NCAPD3: variants seen among roughly 807,000 people sequenced by gnomAD.
NCAPD3 encodes the protein condensin-2 complex subunit D3.
In NCAPD3, 105 loss-of-function variants were observed where a neutral mutation model predicts 182.9. The observed-to-expected ratio is 0.57, with a 90% CI of 0.49 to 0.68. NCAPD3 has a LOEUF of 0.68. NCAPD3 is among the 30% of genes least tolerant of loss of function. The pLI is 0.00. For missense variants in NCAPD3, 1,944 were observed against 1,837.0 expected (o/e 1.06, Z -1.07); for synonymous variants, 815 against 679.9 (o/e 1.20, Z -3.09).
chr11:134,160,316 C>A (rs1943542861), intron 28 of NCAPD3, among the ~76,000 whole-genome samples: 1 of 152,122 alleles, frequency 6.6e-6, no homozygotes, highest in African/African-American at 2.4e-5. Context: ...CTAACAGGTA[C>A]AATGGTATAT....
intron 4 of NCAPD3, 25 bp downstream of exon 4, chr11:134,210,245 G>T: frequency 6.3e-7 from 1 of 1,591,666 alleles, no homozygotes; most frequent in Non-Finnish European, 8.6e-7. Flanking sequence ...TGGTATATAT[G>T]TTTTATACTC....
At chr11:134,218,545 T>C (rs1309553001) in intron 2 of NCAPD3, among the ~76,000 whole-genome samples, 1 of 152,200 alleles carries the variant, frequency 6.6e-6, no homozygotes, top group East Asian at 1.9e-4. Context: ...CCATTTGACC[T>C]TGCTCTTTTT....
chr11:134,182,446 G>C (rs1039555124), intron 19 of NCAPD3, among the ~76,000 whole-genome samples: 4 of 152,160 alleles, frequency 2.6e-5, no homozygotes, highest in African/African-American at 9.7e-5. Flanking sequence ...TTTGAATTTA[G>C]CTAGGCAGCC....
At chr11:134,215,877 G>A (rs1551184) in intron 3 of NCAPD3, among the ~76,000 whole-genome samples, 104,378 of 152,136 alleles carry the variant, frequency 0.69, 37,460 homozygotes, top group African/African-American at 0.91. Flanking sequence ...GTGATCGAAT[G>A]TTAAGTATCG....
chr11:134,185,444 T>C lies in NCAPD3; in HGVS notation c.2128A>G (p.Thr710Ala). The C allele has an allele frequency of 6.2e-7, 1 of 1,614,002 alleles. No homozygotes were observed. Among genetic ancestry groups the C allele is most frequent in the South Asian group, 1.1e-5 (1 of 91,072 alleles). The change falls in exon 17 of 35, where the codon ACT (threonine) becomes GCT (alanine). Residue 710 changes from threonine (T) to alanine (A), a missense_variant. Physicochemically the swap from Thr to Ala is moderately conservative, Grantham distance 58. Transcript: ENST00000534548. The stretch of plus-strand genomic sequence containing the variant: ...GCAGGTGCCGAATGTTCCGTGCCAG[T>C]GTGAGATATTACATTGTTTATAAAA... ...PTFINNVISH[T>A]GTEHSAPAWM...
intron 24 of NCAPD3, among the ~76,000 whole-genome samples, chr11:134,170,144 C>A (rs921720562): frequency 6.6e-6 from 1 of 152,074 alleles, no homozygotes; most frequent in Admixed American, 6.5e-5. Flanking sequence ...GGAAGTAAGC[C>A]CAGATAAAAA....
intron 3 of NCAPD3, among the ~76,000 whole-genome samples, chr11:134,215,724 C>T (rs555442974): frequency 2.0e-5 from 3 of 152,208 alleles, no homozygotes; most frequent in South Asian, 4.1e-4. Flanking sequence ...ACTTCACAAA[C>T]TCATCTACAG....
chr11:134,202,391 T>C (rs941302861), intron 13 of NCAPD3, among the ~76,000 whole-genome samples: 58 of 152,174 alleles, frequency 3.8e-4, no homozygotes, highest in Non-Finnish European at 6.0e-4. Flanking sequence ...GTTATTTTCA[T>C]TTTTTAATTT....
At chr11:134,222,401 T>A (rs1938264998) in intron 1 of NCAPD3, among the ~76,000 whole-genome samples, 1 of 152,176 alleles carries the variant, frequency 6.6e-6, no homozygotes, top group East Asian at 1.9e-4. Context: ...ACACTTAGGA[T>A]ACCAAAAAAA....
intron 16 of NCAPD3, among the ~76,000 whole-genome samples, chr11:134,187,986 G>C (rs1197787470): frequency 2.6e-5 from 4 of 152,204 alleles, no homozygotes; most frequent in Non-Finnish European, 4.4e-5. Context: ...CAGAGGTGAT[G>C]AAGTTAAAAC....
At chr11:134,184,776 G>T (rs370847913) in intron 18 of NCAPD3, 24 bp from the exon 19 acceptor site, 24 of 1,558,158 alleles carry the variant, frequency 1.5e-5, no homozygotes, top group Non-Finnish European at 2.0e-5. Context: ...CAAAACCCCT[G>T]AAGTTCAACT....
chr11:134,169,065 G>A lies in NCAPD3; in HGVS notation c.3102-11C>T, dbSNP rs373051628. 8 of 1,611,120 alleles carry A rather than the reference G, an allele frequency of 5.0e-6. No individual in the cohort carries two copies. In the East Asian group the frequency reaches 6.7e-5, roughly 13 times the overall value. On this transcript the variant is annotated splice_polypyrimidine_tract_variant and intron_variant, in intron 24 of 34. Coordinates refer to ENST00000534548, the MANE Select transcript of NCAPD3 (RefSeq NM_015261.3). ...CAAAACTCCCCGAAGCTGCAAAGGT[G>A]AGAGAAACAAAGAGGGAGACCCATT...
intron 19 of NCAPD3, among the ~76,000 whole-genome samples, chr11:134,181,488 G>A (rs1206375084): frequency 1.3e-5 from 2 of 152,174 alleles, no homozygotes; most frequent in African/African-American, 4.8e-5. Flanking sequence ...ATTTGTAAGA[G>A]ATCTATAATA....
intron 16 of NCAPD3, among the ~76,000 whole-genome samples, chr11:134,192,150 C>T (rs974536698): frequency 2.0e-5 from 3 of 152,184 alleles, no homozygotes; most frequent in African/African-American, 4.8e-5. Flanking sequence ...TTTGCCAAGG[C>T]TGCAGAATGG....
At chr11:134,175,924 T>C (rs1944149819) in intron 24 of NCAPD3, among the ~76,000 whole-genome samples, 1 of 152,098 alleles carries the variant, frequency 6.6e-6, no homozygotes, top group African/African-American at 2.4e-5. Flanking sequence ...AATTAAAGTC[T>C]CAGCTCTTTA....
At chr11:134,174,721 G>A (rs1424159599) in intron 24 of NCAPD3, among the ~76,000 whole-genome samples, 1 of 152,142 alleles carries the variant, frequency 6.6e-6, no homozygotes, top group Non-Finnish European at 1.5e-5. Context: ...AAAAAGCTAG[G>A]GAGAGGATTT....
At chr11:134,180,968 C>CA (rs1449886675) in intron 20 of NCAPD3, 109 bp downstream of exon 20, 1 of 729,624 alleles carries the variant, frequency 1.4e-6, no homozygotes, top group Non-Finnish European at 2.3e-6. Flanking sequence ...TAGGCTAAGA[C>CA]AGCTCTTTTG....
At chr11:134,167,937 C>G in intron 27 of NCAPD3, 59 bp downstream of exon 27, 2 of 1,523,264 alleles carry the variant, frequency 1.3e-6, no homozygotes, top group Non-Finnish European at 9.0e-7. Flanking sequence ...GTGAGATGAG[C>G]TTAGGGGAGC....
At chr11:134,193,850 T>C (rs1194464793) in intron 15 of NCAPD3, among the ~76,000 whole-genome samples, 166 bp downstream of exon 15, 1 of 152,244 alleles carries the variant, frequency 6.6e-6, no homozygotes, top group Non-Finnish European at 1.5e-5. Flanking sequence ...GCACAGTCTA[T>C]CACACATAAT....
Sources: allele counts gnomAD v4.1 joint callset (sites outside exome capture counted in the v4.1 genomes callset), GRCh38; gene constraint gnomAD v4.1.1; transcripts MANE v1.5; gene names NCBI Gene and HGNC (gene_info 2026-07-23, HGNC 2026-07-21).